Variants in LY96 observed in about 807,000 individuals in gnomAD.
LY96 encodes the protein lymphocyte antigen 96.
Under a neutral mutation model 18.9 loss-of-function variants are expected in LY96, and 18 were observed. The observed-to-expected ratio is 0.95, with a 90% CI of 0.66 to 1.41. LY96 has a LOEUF of 1.41. LY96 is among the 40% of genes most tolerant of loss of function. The pLI is 0.00. For missense variants in LY96, 175 were observed against 182.4 expected (o/e 0.96, Z 0.23); for synonymous variants, 66 against 62.6 (o/e 1.06, Z -0.26).
At chr8:74,025,654 C>CAAAAAAAAA (rs574843103) in intron 3 of LY96, among the ~76,000 whole-genome samples, 1 of 68,786 alleles carries the variant, frequency 1.5e-5, no homozygotes, top group African/African-American at 4.7e-5. Context: ...AACTCCGTCT[C>CAAAAAAAAA]AAAAAAAAAA....
the LY96 span, among the ~76,000 whole-genome samples, chr8:74,096,304 GTCCC>G: frequency 7.2e-5 from 11 of 152,106 alleles, no homozygotes; most frequent in Admixed American, 1.3e-4. Flanking sequence ...TGCATGATCT[GTCCC>G]TTCCCCCAAC....
intron 3 of LY96, among the ~76,000 whole-genome samples, chr8:74,021,102 A>G (rs1165965612): frequency 6.6e-6 from 1 of 152,156 alleles, no homozygotes; most frequent in Non-Finnish European, 1.5e-5. Flanking sequence ...CTTCTGCACA[A>G]CAAAAGAAAC....
intron 1 of LY96, among the ~76,000 whole-genome samples, chr8:74,000,018 G>A (rs1416760080): frequency 6.6e-6 from 1 of 152,072 alleles, no homozygotes; most frequent in African/African-American, 2.4e-5. Context: ...TGATCTTAAA[G>A]TAAAACCTTT....
At chr8:74,071,151 T>A in the LY96 span, among the ~76,000 whole-genome samples, 1 of 152,138 alleles carries the variant, frequency 6.6e-6, no homozygotes, top group East Asian at 1.9e-4. Flanking sequence ...CGTGGGCTTA[T>A]TAGCACCATA....
the LY96 span, among the ~76,000 whole-genome samples, chr8:74,069,163 G>A: frequency 6.6e-6 from 1 of 152,136 alleles, no homozygotes; most frequent in East Asian, 1.9e-4. Context: ...TTCTCCCTGT[G>A]ATTTATCTCT....
chr8:74,001,951 CTT>C (rs1816279652), intron 1 of LY96, among the ~76,000 whole-genome samples: 1 of 141,878 alleles, frequency 7.0e-6, no homozygotes, highest in African/African-American at 2.6e-5. Context: ...TCCTTCCTTC[CTT>C]CCTTCCTTCC....
chr8:73,995,446 G>A (rs1019293586), intron 1 of LY96, among the ~76,000 whole-genome samples: 2 of 152,034 alleles, frequency 1.3e-5, no homozygotes, highest in Non-Finnish European at 2.9e-5. Context: ...ATTGGATTAG[G>A]GCCCATCCTA....
chr8:74,090,439 T>A, the LY96 span, among the ~76,000 whole-genome samples: 3 of 152,220 alleles, frequency 2.0e-5, no homozygotes, highest in Non-Finnish European at 4.4e-5. Flanking sequence ...GTTCTTATAA[T>A]AGAGCTATAA....
At chr8:74,097,852 T>G in the LY96 span, among the ~76,000 whole-genome samples, 7 of 152,190 alleles carry the variant, frequency 4.6e-5, no homozygotes, top group Non-Finnish European at 1.0e-4. Flanking sequence ...AAATGCAGAC[T>G]CTCAGACCTG....
the LY96 span, among the ~76,000 whole-genome samples, chr8:74,057,580 C>T: frequency 1.3e-4 from 20 of 152,182 alleles, no homozygotes; most frequent in Non-Finnish European, 2.5e-4. Flanking sequence ...AGGTGACTCA[C>T]ATTTCTGAGG....
At chr8:74,035,255 C>T in the LY96 span, among the ~76,000 whole-genome samples, 2 of 152,022 alleles carry the variant, frequency 1.3e-5, no homozygotes, top group African/African-American at 2.4e-5. Context: ...TGCCTGTCCA[C>T]GTCCATTCCC....
chr8:74,014,032 G>C (rs1233536889), intron 3 of LY96, among the ~76,000 whole-genome samples: 1 of 152,074 alleles, frequency 6.6e-6, no homozygotes, highest in Non-Finnish European at 1.5e-5. Flanking sequence ...GAGAGACCAT[G>C]AGGGCTGAAC....
chr8:74,081,087 CTCTT>C, the LY96 span, among the ~76,000 whole-genome samples: 1,825 of 93,030 alleles, frequency 0.02, 41 homozygotes, highest in South Asian at 0.059. Flanking sequence ...TTCTCTTTCT[CTCTT>C]TCTTTCTTTC....
the LY96 span, among the ~76,000 whole-genome samples, chr8:74,039,235 T>C: frequency 6.6e-6 from 1 of 152,244 alleles, no homozygotes; most frequent in Middle Eastern, 3.2e-3. Context: ...TAGATTTTTT[T>C]CCTGTAGAGT....
At chr8:74,062,908 G>A in the LY96 span, among the ~76,000 whole-genome samples, 2 of 152,264 alleles carry the variant, frequency 1.3e-5, no homozygotes, top group East Asian at 3.9e-4. Context: ...ACAACTTCCT[G>A]CATTAGTTAT....
At chr8:74,070,845 A>T in the LY96 span, among the ~76,000 whole-genome samples, 2 of 152,198 alleles carry the variant, frequency 1.3e-5, no homozygotes, top group East Asian at 1.9e-4. Flanking sequence ...TACATTTTTT[A>T]AAAAATTAAA....
the LY96 span, among the ~76,000 whole-genome samples, chr8:74,066,789 T>C: frequency 6.6e-6 from 1 of 152,168 alleles, no homozygotes; most frequent in South Asian, 2.1e-4. Context: ...GATGAAGGTG[T>C]CAGTCTAAAC....
At chr8:74,031,483 G>A (rs1166725339), downstream of LY96, among the ~76,000 whole-genome samples, 2 of 151,816 alleles carry the variant, frequency 1.3e-5, no homozygotes, top group Non-Finnish European at 2.9e-5. Flanking sequence ...AAAATTAGCC[G>A]GGTGTGGTGG....
chr8:74,080,370 T>G, the LY96 span, among the ~76,000 whole-genome samples: 26 of 152,284 alleles, frequency 1.7e-4, no homozygotes, highest in South Asian at 5.2e-3. Context: ...TGGGAAAAGA[T>G]CCTCAGTAGT....
Sources: gnomAD v4.1 joint callset for allele counts (sites outside exome capture counted in the v4.1 genomes callset) on GRCh38, gnomAD v4.1.1 for gene constraint, MANE v1.5 for transcripts, NCBI Gene and HGNC (gene_info 2026-07-23, HGNC 2026-07-21) for gene names.